ADGRV1: variants seen among roughly 807,000 people sequenced by gnomAD.
ADGRV1 encodes adhesion G protein-coupled receptor V1, also known as G-protein coupled receptor 98.
In ADGRV1, 359 loss-of-function variants were observed where a neutral mutation model predicts 596.2. That is an observed-to-expected ratio of 0.60 (90% CI 0.55 to 0.66). ADGRV1 has a LOEUF of 0.66. Among genes scored for constraint, ADGRV1 ranks in the 30% least tolerant of loss-of-function variants. The pLI, the probability that ADGRV1 is intolerant of heterozygous loss-of-function variation, is 0.00. For missense variants in ADGRV1, 7,274 were observed against 7,575.6 expected, an observed-to-expected ratio of 0.96 and a Z score of 1.48; for synonymous variants, 2,681 against 2,679.2, an observed-to-expected ratio of 1.00 and a Z score of -0.02.
intron 83 of ADGRV1, among the ~76,000 whole-genome samples, chr5:90,938,537 G>C (rs1198753076): frequency 1.3e-5 from 2 of 152,158 alleles, no homozygotes; most frequent in Non-Finnish European, 2.9e-5. Flanking sequence ...AGCTTTCTGT[G>C]ATCTAGTCTG....
In ADGRV1 at chr5:90,627,597, G is replaced by A. The variant is rs920194615; in HGVS notation, c.1059G>A (p.Glu353=). Reference sequence around the variant, plus strand: ...AAATAGTTGATGACACCATACCGGAGATTGCTGAATCGTTTCACATTATGT... The same window carrying A: ...AAATAGTTGATGACACCATACCGGAAATTGCTGAATCGTTTCACATTATGT... The part of the protein sequence containing the change: ...KFQIVDDTIP[E]IAESFHIMLL... The change falls in exon 7 of 90, where the codon GAG becomes GAA. Residue 353 remains glutamate, a synonymous_variant. Transcript: ENST00000405460. The A allele has an allele frequency of 6.2e-7, 1 of 1,613,866 alleles. No individual in the cohort carries two copies. Among genetic ancestry groups the A allele is most frequent in the African/African-American group, 1.3e-5 (1 of 75,014 alleles).
chr5:90,892,627 A>G (rs1437242637), intron 83 of ADGRV1, among the ~76,000 whole-genome samples: 4 of 152,152 alleles, frequency 2.6e-5, no homozygotes. Context: ...AGGATACCCC[A>G]AAAGTTTTCT....
chr5:91,080,987 G>A (rs1288174882), intron 86 of ADGRV1, among the ~76,000 whole-genome samples: 1 of 152,018 alleles, frequency 6.6e-6, no homozygotes, highest in Non-Finnish European at 1.5e-5. Flanking sequence ...TTTGCCTGGT[G>A]TATTAGCTCA....
At chr5:91,159,810 A>C (rs1302669432) in intron 89 of ADGRV1, among the ~76,000 whole-genome samples, 1 of 152,206 alleles carries the variant, frequency 6.6e-6, no homozygotes, top group African/African-American at 2.4e-5. Flanking sequence ...TTTAGGGAAG[A>C]GGAGAAAGTT....
intron 84 of ADGRV1, among the ~76,000 whole-genome samples, chr5:90,975,692 G>A (rs552881957): frequency 3.3e-5 from 5 of 152,036 alleles, no homozygotes; most frequent in South Asian, 2.1e-4. Flanking sequence ...ATCACACACC[G>A]GGGCCTGTCC....
At chr5:90,844,563 C>T (rs919066669) in intron 78 of ADGRV1, among the ~76,000 whole-genome samples, 18 of 152,172 alleles carry the variant, frequency 1.2e-4, no homozygotes, top group African/African-American at 4.3e-4. Flanking sequence ...TTTAAAAGCT[C>T]TTAGTCGTCT....
Position 90,854,220 on chromosome 5 carries a change from A to C in ADGRV1, c.17594+19A>C, listed in dbSNP as rs1561852454. On this transcript the variant is annotated intron_variant, in intron 81 of 89. Coordinates refer to ENST00000405460, the MANE Select transcript of ADGRV1 (RefSeq NM_032119.4). Reference sequence around the variant, plus strand: ...CTGCAAGGTACTTATTAATAAAATAAAAAAATCAGAATTTGGTCCTTCCCC... The same window carrying C: ...CTGCAAGGTACTTATTAATAAAATACAAAAATCAGAATTTGGTCCTTCCCC... 2.0e-6 allele frequency: 3 copies of C among 1,512,734 alleles called. No individual in the cohort carries two copies. Among genetic ancestry groups the C allele is most frequent in the Non-Finnish European group, 8.8e-7 (1 of 1,130,828 alleles). The allele number at this position is 1,512,734 out of a possible 1,614,324, so 93.7% of individuals were successfully genotyped here.
intron 42 of ADGRV1, among the ~76,000 whole-genome samples, chr5:90,714,113 G>A (rs1338849330): frequency 1.3e-5 from 2 of 152,130 alleles, no homozygotes; most frequent in African/African-American, 2.4e-5. Context: ...ACATTTCAAT[G>A]TGTACATATA....
rs781056007 is a variant in ADGRV1 at position 90,690,855 on chromosome 5, C to T, written c.6765C>T (p.Asn2255=). Residue 2255 remains asparagine, a synonymous_variant, in exon 31 of 90, where the codon AAC becomes AAT. Transcript: ENST00000405460. ...CTGAGTTTAACTCAGTGAAGGTAAA[C>T]CTGCCAATAATTCGAAATTCTGGGA... is the stretch of plus-strand genomic sequence containing the variant. ...EEPEFNSVKV[N]LPIIRNSGTL... 4 of 1,609,394 alleles carry T rather than the reference C, an allele frequency of 2.5e-6. No individual in the cohort carries two copies. Among genetic ancestry groups the T allele is most frequent in the African/African-American group, 2.7e-5 (2 of 74,972 alleles).
chr5:90,891,640 GT>G (rs1770834587), intron 83 of ADGRV1, among the ~76,000 whole-genome samples: 1 of 151,694 alleles, frequency 6.6e-6, no homozygotes, highest in Admixed American at 6.6e-5. Context: ...TATTTAAAAT[GT>G]TTTACTACAA....
intron 35 of ADGRV1, among the ~76,000 whole-genome samples, chr5:90,704,101 C>A (rs1254200937): frequency 6.6e-6 from 1 of 152,120 alleles, no homozygotes; most frequent in East Asian, 1.9e-4. Flanking sequence ...GTTGTAGAAA[C>A]CTCTCCAACT....
Position 90,629,256 on chromosome 5 carries a change from C to T in ADGRV1, c.1556C>T (p.Thr519Ile), listed in dbSNP as rs748901079. 6.2e-7 allele frequency: 1 copy of T among 1,611,578 alleles called. No homozygotes were observed. The highest frequency in any genetic ancestry group is 2.2e-5 in the East Asian group (1 of 44,828). The change falls in exon 9 of 90, where the codon ACA (threonine) becomes ATA (isoleucine). Residue 519 changes from threonine to isoleucine, a missense_variant. Transcript: ENST00000405460. The stretch of plus-strand genomic sequence containing the variant: ...AGTGATGATGTCTATGGCCTAATAA[C>T]ATTTTTTCCTATGGAAAACCAGAAG... ...QDSDDVYGLITFFPMENQKIE... is the reference protein window; with the variant it reads ...QDSDDVYGLIIFFPMENQKIE...
chr5:91,095,987 T>G (rs958633754), intron 86 of ADGRV1, among the ~76,000 whole-genome samples: 4 of 150,636 alleles, frequency 2.7e-5, no homozygotes, highest in Non-Finnish European at 4.4e-5. Context: ...CTGAAACTCC[T>G]GACCTCAGGT....
Position 90,712,300 on chromosome 5 carries a change from C to T in ADGRV1, c.9056C>T (p.Ala3019Val), listed in dbSNP as rs935152608. The T allele has an allele frequency of 2.0e-6, 3 of 1,532,352 alleles. No individual in the cohort carries two copies. The highest frequency in any genetic ancestry group is 2.8e-5 in the African/African-American group (2 of 72,368). The allele number at this position is 1,532,352 out of a possible 1,614,324, so 94.9% of individuals were successfully genotyped here. ...YIFTPMILHF[A>V]DGERYKNVNI... Reference sequence around the variant, plus strand: ...CTTTTTGACCAGATTCTTCATTTTGCTGATGGAGAAAGGTATAAAAATGTC... The same window carrying T: ...CTTTTTGACCAGATTCTTCATTTTGTTGATGGAGAAAGGTATAAAAATGTC... Residue 3019 changes from alanine (A) to valine (V), a missense_variant, in exon 42 of 90, where the codon GCT becomes GTT. Physicochemically the swap from Ala to Val is moderately conservative, Grantham distance 64. Transcript: ENST00000405460.
chr5:90,559,400 G>T (rs1032021436), intron 1 of ADGRV1, among the ~76,000 whole-genome samples: 2 of 152,092 alleles, frequency 1.3e-5, no homozygotes, highest in African/African-American at 4.8e-5. Context: ...CTGCGTCGAA[G>T]AATTTCAGTG....
intron 88 of ADGRV1, among the ~76,000 whole-genome samples, chr5:91,150,742 C>T (rs891377270): frequency 1.3e-5 from 2 of 152,200 alleles, no homozygotes; most frequent in African/African-American, 4.8e-5. Context: ...AAAACAAGCT[C>T]AGAAGAGTGC....
intron 1 of ADGRV1, among the ~76,000 whole-genome samples, chr5:90,583,598 C>G (rs1288411462): frequency 2.0e-5 from 3 of 152,096 alleles, no homozygotes; most frequent in Non-Finnish European, 4.4e-5. Flanking sequence ...ATTAGGGCCC[C>G]ATACTTGCAT....
intron 77 of ADGRV1, among the ~76,000 whole-genome samples, chr5:90,839,264 G>A (rs920101365): frequency 6.6e-6 from 1 of 152,078 alleles, no homozygotes; most frequent in African/African-American, 2.4e-5. Flanking sequence ...GCCCAGGCTG[G>A]AGTGCAGTGG....
At chr5:90,957,577 ATATAG>A (rs1214554063) in intron 83 of ADGRV1, among the ~76,000 whole-genome samples, 1 of 146,916 alleles carries the variant, frequency 6.8e-6, no homozygotes, top group Admixed American at 6.9e-5. Flanking sequence ...TATATATTAC[ATATAG>A]TATATATATA....
Sources: allele counts gnomAD v4.1 joint callset (sites outside exome capture counted in the v4.1 genomes callset), GRCh38; gene constraint gnomAD v4.1.1; transcripts MANE v1.5; gene names NCBI Gene and HGNC (gene_info 2026-07-23, HGNC 2026-07-21).